The following RCOR2 variants were observed in gnomAD, a reference collection of about 807,000 sequenced individuals.
The protein encoded by RCOR2 is REST corepressor 2.
Under a neutral mutation model 58.9 loss-of-function variants are expected in RCOR2, and 19 were observed. The observed-to-expected ratio is 0.32, with a 90% CI of 0.23 to 0.47. The LOEUF (loss-of-function observed/expected upper bound fraction) is 0.47. Among genes scored for constraint, RCOR2 ranks in the 20% least tolerant of loss-of-function variants. The pLI is 1.00. For synonymous variants in RCOR2, 286 were observed against 278.7 expected, an observed-to-expected ratio of 1.03 and a Z score of -0.26; for missense variants, 590 against 707.9, an observed-to-expected ratio of 0.83 and a Z score of 1.89.
At chr11:63,912,577 C>T (rs1470021408) in intron 10 of RCOR2, 43 bp from the exon 11 acceptor site, 19 of 1,589,290 alleles carry the variant, frequency 1.2e-5, no homozygotes, top group Non-Finnish European at 1.5e-5. Flanking sequence ...CCCCTTCGAA[C>T]TAGTTACTTC....
upstream of RCOR2, among the ~76,000 whole-genome samples, chr11:63,920,874 G>T (rs1460829270): frequency 2.6e-5 from 4 of 151,178 alleles, no homozygotes; most frequent in Non-Finnish European, 5.9e-5. Flanking sequence ...TGGCCTAGCC[G>T]GCACTCCTTC....
In RCOR2 at chr11:63,911,886, C is replaced by A. The variant is rs1203689985; in HGVS notation, c.1551G>T (p.Glu517Asp). The A allele has an allele frequency of 7.2e-7, 1 of 1,381,658 alleles. No homozygotes were observed. The highest frequency in any genetic ancestry group is 9.6e-7 in the Non-Finnish European group (1 of 1,036,902). The allele number at this position is 1,381,658 out of a possible 1,614,324, so 85.6% of individuals were successfully genotyped here. The change falls in exon 12 of 12, where the codon GAG becomes GAT. Residue 517 changes from glutamate to aspartate, a missense_variant. By Grantham distance (45) the Glu-to-Asp change is conservative. Coordinates refer to ENST00000301459, the MANE Select transcript of RCOR2 (RefSeq NM_173587.4). ...PPPTLIGTPL[E>D]PPAPSL ...GGGCTCAGAGTGAGGGTGCTGGGGG[C>A]TCCAGAGGGGTTCCAATCAGGGTGG...
the RCOR2 span, among the ~76,000 whole-genome samples, chr11:63,925,179 T>A: frequency 6.6e-6 from 1 of 152,224 alleles, no homozygotes; most frequent in East Asian, 1.9e-4. Context: ...TAAAACCCAA[T>A]CTGATCAAGT....
chr11:63,926,630 C>T, the RCOR2 span, among the ~76,000 whole-genome samples: 52 of 151,178 alleles, frequency 3.4e-4, 3 homozygotes, highest in Admixed American at 2.7e-3. Context: ...GGATTACAGG[C>T]GCTCGCCACC....
At chr11:63,916,281 C>A in intron 1 of RCOR2, 49 bp downstream of exon 1, 2 of 1,510,584 alleles carry the variant, frequency 1.3e-6, no homozygotes, top group Non-Finnish European at 1.8e-6. Flanking sequence ...CCGCCCCACT[C>A]CGCTCCCCCC....
chr11:63,924,358 C>T, the RCOR2 span, among the ~76,000 whole-genome samples: 4 of 152,142 alleles, frequency 2.6e-5, no homozygotes, highest in African/African-American at 4.8e-5. Context: ...CAGGCATGCA[C>T]CACCATACCT....
intron 1 of RCOR2, 32 bp downstream of exon 1, chr11:63,916,298 G>A: frequency 2.5e-6 from 4 of 1,572,892 alleles, no homozygotes; most frequent in East Asian, 2.3e-5. Flanking sequence ...CCCCAGGCCG[G>A]CGCGCCTTTA....
Position 63,915,268 on chromosome 11 carries a change from C to T in RCOR2, c.185-10G>A. 2 of 1,550,958 alleles carry T rather than the reference C, an allele frequency of 1.3e-6. No individual in the cohort carries two copies. The highest frequency in any genetic ancestry group is 1.7e-6 in the Non-Finnish European group (2 of 1,146,698). On this transcript the variant is annotated splice_polypyrimidine_tract_variant and intron_variant, in intron 2 of 11. Coordinates refer to ENST00000301459, the MANE Select transcript of RCOR2 (RefSeq NM_173587.4). ...TAGCGTGCGGGGCTCTCTGAAAGGC[C>T]GAGGAGCAGGAGGGAAGACACTCAG...
In RCOR2 at chr11:63,911,649, C is replaced by T; in HGVS notation, c.*216G>A. Reference sequence around the variant, plus strand: ...AAGCGAAAGTGCCCTCAGGCCAGCTCAAAGGCCCCTGAGCCCGGCCATGGC... The same window carrying T: ...AAGCGAAAGTGCCCTCAGGCCAGCTTAAAGGCCCCTGAGCCCGGCCATGGC... On this transcript the variant is annotated 3_prime_UTR_variant, in exon 12 of 12. Transcript: ENST00000301459. The T allele has an allele frequency of 1.5e-6, 1 of 679,920 alleles. No individual in the cohort carries two copies. Among genetic ancestry groups the T allele is most frequent in the Non-Finnish European group, 2.2e-6 (1 of 458,066 alleles). 42.1% of individuals were successfully genotyped at this position (679,920 alleles called of 1,614,324 possible).
Position 63,915,057 on chromosome 11 carries a change from C to T in RCOR2, c.266-103G>A, listed in dbSNP as rs552949594. 112 of 1,550,178 alleles carry T rather than the reference C, an allele frequency of 7.2e-5. No homozygotes were observed. The East Asian group carries it at 2.4e-3, about 33-fold the overall frequency. ...CCCACAACGGCCAGGTCCCTGAACA[C>T]GAGCCCCAGGGCAAGGGTTGGACCC... is the stretch of plus-strand genomic sequence containing the variant. On this transcript the variant is annotated intron_variant, in intron 3 of 11. Transcript: ENST00000301459.
chr11:63,920,465 C>A (rs956711550), upstream of RCOR2, among the ~76,000 whole-genome samples: 183 of 152,336 alleles, frequency 1.2e-3, 2 homozygotes, highest in Non-Finnish European at 3.1e-4. Flanking sequence ...TCCGGCCCAG[C>A]GAGCCTGGCC....
the RCOR2 span, among the ~76,000 whole-genome samples, chr11:63,926,788 T>G: frequency 1.3e-4 from 11 of 83,316 alleles, no homozygotes; most frequent in South Asian, 9.5e-4. Flanking sequence ...TGTTTTTTTT[T>G]TTTGTTTTGT....
In RCOR2 at chr11:63,917,099, C is replaced by T. The variant is rs1941870453; in HGVS notation, c.-643G>A. On this transcript the variant is annotated 5_prime_UTR_variant, in exon 1 of 12. Transcript: ENST00000301459. ...ACCCTCCCCGGCGCGCTCGCTCTCCCCGCCGCGCTCGGGATGCCGCTTGCT... is the reference window on the plus strand; with the variant it reads ...ACCCTCCCCGGCGCGCTCGCTCTCCTCGCCGCGCTCGGGATGCCGCTTGCT... Among the ~76,000 whole-genome samples, 2 of 151,346 alleles carry T rather than the reference C, an allele frequency of 1.3e-5. No homozygotes were observed. Among genetic ancestry groups the T allele is most frequent in the Admixed American group, 1.3e-4 (2 of 15,192 alleles).
At chr11:63,927,170 C>A in the RCOR2 span, among the ~76,000 whole-genome samples, 1 of 152,106 alleles carries the variant, frequency 6.6e-6, no homozygotes, top group East Asian at 1.9e-4. Context: ...ACTTACCTTT[C>A]GAAATGAAGC....
In RCOR2 at chr11:63,912,897, G is replaced by A. The variant is rs148620245; in HGVS notation, c.942C>T (p.Gly314=). 2.1e-4 allele frequency: 334 copies of A among 1,613,572 alleles called. No homozygotes were observed. The African/African-American group carries it at 3.6e-3, about 17-fold the overall frequency. The change falls in exon 9 of 12, where the codon GGC becomes GGT. Residue 314 remains glycine (G), a synonymous_variant. Transcript: ENST00000301459. ...CCGGGGGGCGTAGTGGATCAATACC[G>A]CCCTCCAGGGCTTGGCGCAGGCTGC... ...TNSSLRQALE[G]GIDPLRPPEA...
intron 8 of RCOR2, 72 bp from the exon 9 acceptor site, chr11:63,913,019 C>T: frequency 7.7e-7 from 1 of 1,305,590 alleles, no homozygotes; most frequent in Non-Finnish European, 1.1e-6. Flanking sequence ...TCACAGGACC[C>T]TACTTCTGCA....
At chr11:63,915,354 G>A (rs1270089902) in intron 2 of RCOR2, 96 bp from the exon 3 acceptor site, 12 of 1,234,426 alleles carry the variant, frequency 9.7e-6, no homozygotes, top group Non-Finnish European at 1.4e-5. Flanking sequence ...GTGGAGCCAG[G>A]GAGGTTGAGG....
chr11:63,911,914 G>T lies in RCOR2; in HGVS notation c.1523C>A (p.Pro508Gln), dbSNP rs1336854674. The change falls in exon 12 of 12, where the codon CCA becomes CAA. Residue 508 changes from proline (P) to glutamine (Q), a missense_variant. Pro to Gln is a moderately conservative substitution (Grantham distance 76). Around this residue, in one of 3 missense-constraint regions of RCOR2, gnomAD observed 196 missense variants for 210.7 expected, o/e 0.93. Coordinates refer to ENST00000301459, the MANE Select transcript of RCOR2 (RefSeq NM_173587.4). The part of the protein sequence containing the change: ...RHSARPGPQP[P>Q]PTLIGTPLEP... ...CAGAGGGGTTCCAATCAGGGTGGGT[G>T]GGGGCTGAGGGCCAGGGCGGGCGCT... 7.7e-6 allele frequency: 10 copies of T among 1,304,528 alleles called. No individual in the cohort carries two copies. Among genetic ancestry groups the T allele is most frequent in the Non-Finnish European group, 8.2e-6 (8 of 976,060 alleles). The allele number at this position is 1,304,528 out of a possible 1,614,324, so 80.8% of individuals were successfully genotyped here.
rs770329859 is a variant in RCOR2 at position 63,913,239 on chromosome 11, T to G, written c.892-292A>C. 4.0e-4 allele frequency among the ~76,000 whole-genome samples: 57 copies of G among 141,074 alleles called. No individual in the cohort carries two copies. The Middle Eastern group carries it at 0.015, about 38-fold the overall frequency. 92.6% of individuals were successfully genotyped at this position (141,074 alleles called of 152,430 possible). A position where few individuals can be genotyped will look rare whatever the true frequency, so the allele number is the denominator to read the frequency against. On this transcript the variant is annotated intron_variant, in intron 8 of 11. Transcript: ENST00000301459. ...TTTATTCTTGTTACCCAGGTTGGAGTGCAATGGCGCAATCTCAGCTCACCA... is the reference window on the plus strand; with the variant it reads ...TTTATTCTTGTTACCCAGGTTGGAGGGCAATGGCGCAATCTCAGCTCACCA...
Sources: allele counts gnomAD v4.1 joint callset (sites outside exome capture counted in the v4.1 genomes callset), GRCh38; gene constraint gnomAD v4.1.1; regional missense constraint gnomAD v4.1.1; transcripts MANE v1.5; gene names NCBI Gene and HGNC (gene_info 2026-07-23, HGNC 2026-07-21).